ZFAT: variants seen among roughly 807,000 people sequenced by gnomAD.
ZFAT encodes zinc finger protein ZFAT.
Under a neutral mutation model 117.7 loss-of-function variants are expected in ZFAT, and 64 were observed. The observed-to-expected ratio is 0.54, with a 90% CI of 0.44 to 0.67. The LOEUF (loss-of-function observed/expected upper bound fraction) is 0.67. Ranked by LOEUF, ZFAT falls within the 30% of genes least tolerant of loss-of-function variation. The pLI is 0.00. For synonymous variants in ZFAT, 679 were observed against 615.0 expected (o/e 1.10, Z -1.54); for missense variants, 1,433 against 1,584.5 (o/e 0.90, Z 1.62).
intron 15 of ZFAT, among the ~76,000 whole-genome samples, chr8:134,506,573 C>T (rs1385192854): frequency 6.6e-6 from 1 of 152,192 alleles, no homozygotes; most frequent in Non-Finnish European, 1.5e-5. Flanking sequence ...CAGCCCCGTA[C>T]CAGGCCTGCC....
chr8:134,790,045 T>C, the ZFAT span, among the ~76,000 whole-genome samples: 4 of 152,204 alleles, frequency 2.6e-5, no homozygotes, highest in Non-Finnish European at 5.9e-5. Flanking sequence ...TTGATCAACA[T>C]ACAATGTCTT....
At chr8:134,740,340 T>C in the ZFAT span, among the ~76,000 whole-genome samples, 10 of 152,304 alleles carry the variant, frequency 6.6e-5, 1 homozygote, top group Admixed American at 2.0e-4. Context: ...GAATTAGCAT[T>C]GTCAATGGAA....
the ZFAT span, among the ~76,000 whole-genome samples, chr8:134,763,850 C>G: frequency 2.6e-5 from 4 of 152,190 alleles, no homozygotes; most frequent in African/African-American, 4.8e-5. Context: ...ATGGTCCTGT[C>G]TTTCCAGAAT....
chr8:134,740,451 TA>T, the ZFAT span, among the ~76,000 whole-genome samples: 1 of 152,332 alleles, frequency 6.6e-6, no homozygotes, highest in South Asian at 2.1e-4. Flanking sequence ...TCTGTTTGAG[TA>T]AGCATTGGCC....
intron 11 of ZFAT, among the ~76,000 whole-genome samples, chr8:134,556,643 G>A (rs927392796): frequency 6.6e-6 from 1 of 152,052 alleles, no homozygotes; most frequent in African/African-American, 2.4e-5. Context: ...GGATGAAAAG[G>A]GATGGAACAT....
upstream of ZFAT, among the ~76,000 whole-genome samples, chr8:134,715,658 G>A (rs1268223872): frequency 6.6e-6 from 1 of 152,220 alleles, no homozygotes; most frequent in Admixed American, 6.5e-5. Context: ...ATAATTAATG[G>A]CAAGCTGCCT....
chr8:134,670,459 C>G (rs1182126439), intron 1 of ZFAT, among the ~76,000 whole-genome samples: 3 of 152,234 alleles, frequency 2.0e-5, no homozygotes, highest in African/African-American at 2.4e-5. Flanking sequence ...CAATCAAAAT[C>G]GCTCAACTAC....
chr8:134,776,488 G>T, the ZFAT span, among the ~76,000 whole-genome samples: 1 of 152,122 alleles, frequency 6.6e-6, no homozygotes, highest in Non-Finnish European at 1.5e-5. Flanking sequence ...TTTTTTTGTA[G>T]AGACAGGGTC....
chr8:134,483,259 T>C (rs1033649152), intron 15 of ZFAT, among the ~76,000 whole-genome samples: 1 of 152,194 alleles, frequency 6.6e-6, no homozygotes, highest in Admixed American at 6.5e-5. Flanking sequence ...CCTTGGGCAT[T>C]TGTGTTCCCA....
At chr8:134,786,408 T>C in the ZFAT span, among the ~76,000 whole-genome samples, 1 of 152,224 alleles carries the variant, frequency 6.6e-6, no homozygotes, top group South Asian at 2.1e-4. Context: ...TTTATCGTAC[T>C]AATACGTTTA....
chr8:134,823,022 A>G, the ZFAT span, among the ~76,000 whole-genome samples: 2 of 152,216 alleles, frequency 1.3e-5, no homozygotes, highest in African/African-American at 4.8e-5. Flanking sequence ...GACTTAAAGT[A>G]CAGGTTAAGG....
chr8:134,826,298 C>T, the ZFAT span, among the ~76,000 whole-genome samples: 8 of 152,338 alleles, frequency 5.3e-5, no homozygotes, highest in East Asian at 1.2e-3. Context: ...TCACTCATTT[C>T]TACTTCTTTC....
At chr8:134,532,787 C>T (rs1265765440) in intron 12 of ZFAT, 47 bp downstream of exon 12, 12 of 1,597,152 alleles carry the variant, frequency 7.5e-6, no homozygotes, top group Non-Finnish European at 9.4e-6. Context: ...GGGGACTTGG[C>T]CTAAAAGGAA....
chr8:134,633,342 TA>T, intron 3 of ZFAT, among the ~76,000 whole-genome samples: 1 of 152,310 alleles, frequency 6.6e-6, no homozygotes, highest in East Asian at 1.9e-4. Flanking sequence ...AACAGCTCGT[TA>T]AATAACAACT....
At chr8:134,533,852 C>T (rs1475893660) in intron 11 of ZFAT, among the ~76,000 whole-genome samples, 6 of 152,218 alleles carry the variant, frequency 3.9e-5, no homozygotes, top group East Asian at 1.9e-4. Flanking sequence ...GGCTGGTCGA[C>T]GGATGGGCAT....
At chr8:134,497,918 C>T (rs1412730413) in intron 15 of ZFAT, among the ~76,000 whole-genome samples, 20 of 123,540 alleles carry the variant, frequency 1.6e-4, no homozygotes, top group African/African-American at 5.4e-4. Flanking sequence ...GGGGTGGAGC[C>T]GTGATGCCCC....
At chr8:134,617,586 T>C (rs1355481166) in intron 3 of ZFAT, among the ~76,000 whole-genome samples, 1 of 152,148 alleles carries the variant, frequency 6.6e-6, no homozygotes, top group Non-Finnish European at 1.5e-5. Context: ...TAGAAGGTCA[T>C]TCTGCACAAT....
intron 15 of ZFAT, among the ~76,000 whole-genome samples, chr8:134,504,051 G>A (rs1328603744): frequency 6.6e-6 from 1 of 152,222 alleles, no homozygotes; most frequent in Non-Finnish European, 1.5e-5. Context: ...CCGAGTCACA[G>A]AGAAGCAGGC....
In ZFAT at chr8:134,571,342, G is replaced by A. The variant is rs778683441; in HGVS notation, c.2888-5921C>T. ...GAAGGATGAGGAGGACCAGCCGCAT[G>A]AGGAAGAGGTGAACACAGCACTGGG... On this transcript the variant is annotated intron_variant, in intron 10 of 15. Coordinates refer to ENST00000377838, the MANE Select transcript of ZFAT (RefSeq NM_020863.4). Among the ~76,000 whole-genome samples, 73 of 152,374 alleles carry A rather than the reference G, an allele frequency of 4.8e-4. 1 individual carries two copies. Among genetic ancestry groups the A allele is most frequent in the Non-Finnish European group, 9.1e-4 (62 of 68,032 alleles).
Sources: gnomAD v4.1 joint callset for allele counts (sites outside exome capture counted in the v4.1 genomes callset) on GRCh38, gnomAD v4.1.1 for gene constraint, MANE v1.5 for transcripts, NCBI Gene and HGNC (gene_info 2026-07-23, HGNC 2026-07-21) for gene names.